Variants in KDM4C observed in about 807,000 individuals in gnomAD.
KDM4C encodes lysine demethylase 4C.
In KDM4C, 81 loss-of-function variants were observed where a neutral mutation model predicts 129.3. That is an observed-to-expected ratio of 0.63 (90% CI 0.52 to 0.75). The LOEUF is 0.75. Ranked by LOEUF, KDM4C falls within the 30% of genes least tolerant of loss-of-function variation. KDM4C has a pLI of 0.00. For synonymous variants in KDM4C, 573 were observed against 456.1 expected (o/e 1.26, Z -3.26); for missense variants, 1,457 against 1,304.0 (o/e 1.12, Z -1.81).
intron 1 of KDM4C, among the ~76,000 whole-genome samples, chr9:6,761,959 A>C (rs1819629015): frequency 6.6e-6 from 1 of 151,776 alleles, no homozygotes; most frequent in African/African-American, 2.4e-5. Flanking sequence ...GGCACGCCCA[A>C]CTAATTTTTT....
chr9:6,974,203 G>C (rs1209493794), intron 8 of KDM4C, among the ~76,000 whole-genome samples: 1 of 152,172 alleles, frequency 6.6e-6, no homozygotes, highest in Non-Finnish European at 1.5e-5. Flanking sequence ...TTCAGGATGC[G>C]TTCTAATTGT....
intron 18 of KDM4C, among the ~76,000 whole-genome samples, chr9:7,119,795 C>T (rs1475244558): frequency 6.6e-6 from 1 of 152,142 alleles, no homozygotes; most frequent in Non-Finnish European, 1.5e-5. Flanking sequence ...CTTCCTGGGG[C>T]ATGTGTACTT....
At chr9:6,836,635 G>A (rs1260310859) in intron 4 of KDM4C, among the ~76,000 whole-genome samples, 5 of 152,030 alleles carry the variant, frequency 3.3e-5, no homozygotes, top group South Asian at 2.1e-4. Flanking sequence ...ATGCATGCAC[G>A]TATTTTAACA....
intron 4 of KDM4C, among the ~76,000 whole-genome samples, chr9:6,848,778 C>A (rs1838316593): frequency 6.6e-6 from 1 of 152,150 alleles, no homozygotes; most frequent in East Asian, 1.9e-4. Flanking sequence ...CATCACCATC[C>A]ATATTGTTAT....
chr9:6,941,579 T>C (rs1049067737), intron 8 of KDM4C: 2 of 152,242 alleles, frequency 1.3e-5, no homozygotes, highest in Non-Finnish European at 2.9e-5. Context: ...CCTCTGACTG[T>C]TACCAGGAGG....
chr9:7,074,127 A>C (rs921242744), intron 17 of KDM4C, among the ~76,000 whole-genome samples: 2 of 152,078 alleles, frequency 1.3e-5, no homozygotes, highest in African/African-American at 4.8e-5. Context: ...TATTGAGCTT[A>C]TTTCCTAACA....
chr9:6,891,513 G>A (rs757230844), intron 7 of KDM4C, among the ~76,000 whole-genome samples: 1 of 152,138 alleles, frequency 6.6e-6, no homozygotes. Flanking sequence ...GGATGAATGA[G>A]GGGCTTGGGG....
chr9:6,765,831 C>T (rs1394314886), intron 1 of KDM4C, among the ~76,000 whole-genome samples: 1 of 152,142 alleles, frequency 6.6e-6, no homozygotes, highest in Non-Finnish European at 1.5e-5. Flanking sequence ...CTCTGTCACC[C>T]AGGCTGGAGT....
At chr9:6,871,396 C>T (rs2130659091) in intron 5 of KDM4C, among the ~76,000 whole-genome samples, 1 of 152,040 alleles carries the variant, frequency 6.6e-6, no homozygotes. Flanking sequence ...TTTTGTTTTC[C>T]TTGGCCTTCA....
At chr9:6,886,645 C>T (rs1845317325) in intron 6 of KDM4C, among the ~76,000 whole-genome samples, 1 of 151,952 alleles carries the variant, frequency 6.6e-6, no homozygotes, top group African/African-American at 2.4e-5. Flanking sequence ...GTGTGCGTCA[C>T]CATGCCTCGC....
intron 4 of KDM4C, among the ~76,000 whole-genome samples, chr9:6,841,022 A>G (rs1433453401): frequency 3.9e-5 from 6 of 152,216 alleles, no homozygotes; most frequent in Admixed American, 3.9e-4. Context: ...AGTCCTGCCC[A>G]TCTGTATATT....
intron 2 of KDM4C, among the ~76,000 whole-genome samples, chr9:6,798,036 T>C (rs1173617823): frequency 1.3e-5 from 2 of 152,174 alleles, no homozygotes; most frequent in Non-Finnish European, 2.9e-5. Context: ...AAATCTGATG[T>C]CTTAGGATTT....
At chr9:6,807,937 A>G (rs1243984007) in intron 3 of KDM4C, among the ~76,000 whole-genome samples, 1 of 90,880 alleles carries the variant, frequency 1.1e-5, no homozygotes, top group Non-Finnish European at 2.2e-5. Context: ...TCCGGGAGGG[A>G]GGTGGGGGGG....
intron 17 of KDM4C, among the ~76,000 whole-genome samples, chr9:7,061,532 G>C (rs1190775451): frequency 7.7e-6 from 1 of 129,060 alleles, no homozygotes; most frequent in Admixed American, 8.1e-5. Flanking sequence ...TTATGATCTG[G>C]CTGGGCATTT....
chr9:7,145,483 C>T (rs117384636), intron 19 of KDM4C, among the ~76,000 whole-genome samples: 1,651 of 152,268 alleles, frequency 0.011, 8 homozygotes, highest in South Asian at 0.018. Context: ...TTCTTACCCC[C>T]ACTCTGCTGT....
At chr9:6,905,445 A>G (rs370758433) in intron 8 of KDM4C, among the ~76,000 whole-genome samples, 54 of 152,310 alleles carry the variant, frequency 3.5e-4, no homozygotes, top group Admixed American at 1.5e-3. Context: ...ACTTAGGTAT[A>G]TGGTCATAAT....
intron 15 of KDM4C, among the ~76,000 whole-genome samples, chr9:7,024,638 C>T (rs1009108160): frequency 3.9e-5 from 6 of 152,090 alleles, no homozygotes; most frequent in African/African-American, 1.4e-4. Context: ...CCAGCTTCAT[C>T]CATGTCCCTG....
chr9:6,798,653 A>C (rs574265838), intron 2 of KDM4C, among the ~76,000 whole-genome samples: 1 of 152,342 alleles, frequency 6.6e-6, no homozygotes, highest in South Asian at 2.1e-4. Context: ...CCACACAGAC[A>C]CAGCAACCAT....
At chr9:6,952,026 C>G (rs1302900271) in intron 8 of KDM4C, among the ~76,000 whole-genome samples, 10 of 151,742 alleles carry the variant, frequency 6.6e-5, no homozygotes, top group East Asian at 1.9e-4. Context: ...AATATAATAA[C>G]CAGAGTTTAT....
Sources: gnomAD v4.1 joint callset for allele counts (sites outside exome capture counted in the v4.1 genomes callset) on GRCh38, gnomAD v4.1.1 for gene constraint, MANE v1.5 for transcripts, NCBI Gene and HGNC (gene_info 2026-07-23, HGNC 2026-07-21) for gene names.